CENPP: variants seen among roughly 807,000 people sequenced by gnomAD.
CENPP encodes centromere protein P.
A neutral mutation model predicts 35.6 loss-of-function variants in CENPP; 24 were observed. The ratio of observed to expected loss-of-function variants is 0.67; its 90% CI spans 0.49 to 0.95. CENPP has a LOEUF of 0.95. Among genes scored for constraint, CENPP ranks in the 40% least tolerant of loss-of-function variants. CENPP has a pLI of 0.00. For missense variants in CENPP, 332 were observed against 345.3 expected, an observed-to-expected ratio of 0.96 and a Z score of 0.31; for synonymous variants, 120 against 125.5, an observed-to-expected ratio of 0.96 and a Z score of 0.29.
At chr9:92,469,156 T>A (rs1020337825) in intron 5 of CENPP, among the ~76,000 whole-genome samples, 2 of 151,938 alleles carry the variant, frequency 1.3e-5, no homozygotes, top group African/African-American at 4.8e-5. Context: ...ACTGGGTGGA[T>A]CCTCGGTGGA....
At position 92,567,369 on chromosome 9, in the gene CENPP, G is replaced by GATATATATATATATATAT. The variant is rs888840109; in HGVS notation, c.565-43942_565-43941insTATATATATATATATATA. The stretch of plus-strand genomic sequence containing the variant: ...ATTTATGGGGTATACAGTTACATAA[G>GATATATATATATATATAT]ATAGATATATATATATATATATATA... On this transcript the variant is annotated intron_variant, in intron 5 of 7. Transcript: ENST00000375587. Among the ~76,000 whole-genome samples, 38 of 104,080 alleles carry GATATATATATATATATAT rather than the reference G, an allele frequency of 3.7e-4. 1 individual carries two copies. Among genetic ancestry groups the GATATATATATATATATAT allele is most frequent in the East Asian group, 1.2e-3 (4 of 3,330 alleles). The allele number at this position is 104,080 out of a possible 152,430, so 68.3% of individuals were successfully genotyped here.
chr9:92,370,364 G>C (rs1841980101), intron 4 of CENPP, among the ~76,000 whole-genome samples: 1 of 152,154 alleles, frequency 6.6e-6, no homozygotes, highest in Non-Finnish European at 1.5e-5. Flanking sequence ...CCTCCTCTTT[G>C]ATGATTTAGG....
At chr9:92,574,086 C>T (rs948807095) in intron 5 of CENPP, among the ~76,000 whole-genome samples, 1 of 152,088 alleles carries the variant, frequency 6.6e-6, no homozygotes. Flanking sequence ...TGGGCTGCAC[C>T]CACTGTCCGA....
intron 5 of CENPP, among the ~76,000 whole-genome samples, chr9:92,524,256 T>G (rs923189566): frequency 6.6e-6 from 1 of 152,242 alleles, no homozygotes; most frequent in Admixed American, 6.5e-5. Flanking sequence ...TATAAGGAGG[T>G]AAGAGTCAGG....
chr9:92,352,972 TCATA>T (rs1488363334), intron 4 of CENPP, among the ~76,000 whole-genome samples: 1 of 152,090 alleles, frequency 6.6e-6, no homozygotes, highest in Non-Finnish European at 1.5e-5. Context: ...TCTCCTAAGA[TCATA>T]CATAATCTTC....
intron 5 of CENPP, chr9:92,403,120 A>G (rs1370785176): frequency 2.2e-5 from 14 of 644,410 alleles, no homozygotes; most frequent in Non-Finnish European, 3.4e-5. Flanking sequence ...CGTTTGAATC[A>G]TTTAAAGTGA....
chr9:92,377,367 G>C (rs1030153422), intron 4 of CENPP, among the ~76,000 whole-genome samples: 2 of 152,262 alleles, frequency 1.3e-5, no homozygotes, highest in African/African-American at 4.8e-5. Context: ...TGGGAATGAG[G>C]TCTCTTTTAC....
chr9:92,503,399 T>C (rs921386555), intron 5 of CENPP, among the ~76,000 whole-genome samples: 23 of 152,224 alleles, frequency 1.5e-4, no homozygotes, highest in Non-Finnish European at 3.1e-4. Context: ...TAGCCGAGCC[T>C]CCAGCTCCCA....
intron 5 of CENPP, among the ~76,000 whole-genome samples, chr9:92,549,803 C>T (rs1320133450): frequency 6.6e-6 from 1 of 152,132 alleles, no homozygotes; most frequent in Non-Finnish European, 1.5e-5. Flanking sequence ...CAGTGGAGAA[C>T]ATAGATGTAC....
At chr9:92,446,540 A>T (rs1844555441) in intron 5 of CENPP, among the ~76,000 whole-genome samples, 1 of 152,228 alleles carries the variant, frequency 6.6e-6, no homozygotes, top group Non-Finnish European at 1.5e-5. Flanking sequence ...AGGTAAAGTG[A>T]GCTACTGGAG....
chr9:92,578,535 T>G (rs1850340974), intron 5 of CENPP, among the ~76,000 whole-genome samples: 1 of 152,242 alleles, frequency 6.6e-6, no homozygotes, highest in Non-Finnish European at 1.5e-5. Context: ...TTGATTTGCA[T>G]TTCTCTGATG....
intron 5 of CENPP, among the ~76,000 whole-genome samples, chr9:92,499,322 T>A (rs55798902): frequency 0.012 from 1,752 of 152,336 alleles, 19 homozygotes; most frequent in South Asian, 0.019. Context: ...AGCTTTTTTC[T>A]TTCCTTTCAA....
chr9:92,464,088 G>A (rs1216088984), intron 5 of CENPP, among the ~76,000 whole-genome samples: 1 of 152,192 alleles, frequency 6.6e-6, no homozygotes, highest in African/African-American at 2.4e-5. Flanking sequence ...AAAATATGTT[G>A]TTAATCATAG....
chr9:92,390,516 A>G (rs1441433711), intron 5 of CENPP, among the ~76,000 whole-genome samples: 1 of 152,188 alleles, frequency 6.6e-6, no homozygotes, highest in Non-Finnish European at 1.5e-5. Context: ...ACAAAGACAA[A>G]GATGTTCCCT....
intron 5 of CENPP, among the ~76,000 whole-genome samples, chr9:92,550,193 C>T (rs1019768203): frequency 3.9e-5 from 6 of 152,234 alleles, no homozygotes; most frequent in South Asian, 2.1e-4. Context: ...GTCAGGAGAT[C>T]GAGACCATCC....
intron 4 of CENPP, among the ~76,000 whole-genome samples, chr9:92,355,341 T>C (rs1220988060): frequency 6.6e-6 from 1 of 152,170 alleles, no homozygotes; most frequent in East Asian, 1.9e-4. Context: ...AGGAAAAGAA[T>C]TTAGCGATAT....
intron 4 of CENPP, among the ~76,000 whole-genome samples, chr9:92,351,496 A>G (rs910835130): frequency 6.6e-6 from 1 of 150,552 alleles, no homozygotes; most frequent in African/African-American, 2.4e-5. Context: ...AAAAAAAACC[A>G]GAAACTTTGT....
chr9:92,618,181 C>CT lies in CENPP; in HGVS notation c.*5033dup, dbSNP rs1564025569. 1 of 454,960 alleles carries CT rather than the reference C, an allele frequency of 2.2e-6. No individual in the cohort carries two copies. Among genetic ancestry groups the CT allele is most frequent in the Admixed American group, 2.4e-5 (1 of 42,522 alleles). The allele number at this position is 454,960 out of a possible 1,614,324, so 28.2% of individuals were successfully genotyped here. A position where few individuals can be genotyped will look rare whatever the true frequency, so the allele number is the denominator to read the frequency against. Reference sequence around the variant, plus strand: ...CATGTTCTCGGAGGAGAAGCCTTCTCTGAGATCCTCTCCTTTTGTTGAGAA... The same window carrying CT: ...CATGTTCTCGGAGGAGAAGCCTTCTCTTGAGATCCTCTCCTTTTGTTGAGAA... On this transcript the variant is annotated 3_prime_UTR_variant, in exon 8 of 8. Coordinates refer to ENST00000375587, the MANE Select transcript of CENPP (RefSeq NM_001012267.3).
intron 5 of CENPP, chr9:92,404,505 T>C (rs1347633486): frequency 5.4e-6 from 7 of 1,292,384 alleles, no homozygotes; most frequent in Non-Finnish European, 6.1e-6. Context: ...CCGTTGTAGC[T>C]GTTTTGAAGT....
Sources: allele counts gnomAD v4.1 joint callset (sites outside exome capture counted in the v4.1 genomes callset), GRCh38; gene constraint gnomAD v4.1.1; transcripts MANE v1.5; gene names NCBI Gene and HGNC (gene_info 2026-07-23, HGNC 2026-07-21).